KCNMA1: variants seen among roughly 807,000 people sequenced by gnomAD.
The protein encoded by KCNMA1 is potassium calcium-activated channel subfamily M alpha 1, also known as Calcium-activated potassium channel subunit alpha-1.
In KCNMA1, 29 loss-of-function variants were observed where a neutral mutation model predicts 140.0. The ratio of observed to expected loss-of-function variants is 0.21; its 90% CI spans 0.15 to 0.28. The LOEUF is 0.28. KCNMA1 is among the 10% of genes least tolerant of loss of function. The pLI is 1.00. For synonymous variants in KCNMA1, 612 were observed against 611.9 expected (o/e 1.00, Z 0.00); for missense variants, 880 against 1,602.2 (o/e 0.55, Z 7.70).
intron 25 of KCNMA1, among the ~76,000 whole-genome samples, chr10:76,905,918 A>C (rs1282899750): frequency 6.6e-6 from 1 of 152,260 alleles, no homozygotes; most frequent in Non-Finnish European, 1.5e-5. Flanking sequence ...GTATTGATTA[A>C]AAACACTAGC....
chr10:76,876,436 G>C (rs1040158174), downstream of KCNMA1: 1 of 152,610 alleles, frequency 6.6e-6, no homozygotes, highest in African/African-American at 2.4e-5. Context: ...GCATGCAAGC[G>C]ATAGCAGAGC....
intron 2 of KCNMA1, among the ~76,000 whole-genome samples, chr10:77,317,686 G>A (rs7087190): frequency 0.17 from 25,140 of 152,242 alleles, 3,115 homozygotes; most frequent in African/African-American, 0.35. Flanking sequence ...GCTAACAGCC[G>A]ATGGCAGGGA....
intron 3 of KCNMA1, among the ~76,000 whole-genome samples, chr10:77,211,742 T>G (rs192207872): frequency 1.1e-3 from 169 of 152,106 alleles, no homozygotes; most frequent in African/African-American, 3.9e-3. Flanking sequence ...TATAAGGAAC[T>G]TAAAAAAATT....
In KCNMA1 at chr10:77,079,464, G is replaced by A. The variant is rs917229513; in HGVS notation, c.1593+17C>T. On this transcript the variant is annotated intron_variant, in intron 13 of 27. Coordinates refer to ENST00000286628, the MANE Select transcript of KCNMA1 (RefSeq NM_001161352.2). ...TGGATGGGTCTTCAGACCTGGAGCG[G>A]GCTCTCGCACTCCTACCTTGTTGTG... 5 of 1,577,150 alleles carry A rather than the reference G, an allele frequency of 3.2e-6. No homozygotes were observed. In the African/African-American group the frequency reaches 4.1e-5, roughly 13 times the overall value.
intron 21 of KCNMA1, among the ~76,000 whole-genome samples, chr10:76,950,219 T>C (rs76973166): frequency 0.02 from 3,041 of 152,286 alleles, 93 homozygotes; most frequent in African/African-American, 0.068. Flanking sequence ...AGAAAAAGTT[T>C]GCTGACCCCT....
At chr10:77,112,747 A>C (rs1313616605) in intron 6 of KCNMA1, among the ~76,000 whole-genome samples, 2 of 152,148 alleles carry the variant, frequency 1.3e-5, no homozygotes, top group Non-Finnish European at 2.9e-5. Flanking sequence ...TAGACTGACC[A>C]ATTATTAACA....
At chr10:77,088,477 T>G (rs1285209067) in intron 10 of KCNMA1, among the ~76,000 whole-genome samples, 5 of 152,074 alleles carry the variant, frequency 3.3e-5, no homozygotes, top group Non-Finnish European at 7.4e-5. Flanking sequence ...AGACAGGGAC[T>G]GGAGTGCAGT....
At chr10:77,076,412 A>T (rs1017691959) in intron 13 of KCNMA1, among the ~76,000 whole-genome samples, 1 of 152,256 alleles carries the variant, frequency 6.6e-6, no homozygotes, top group Non-Finnish European at 1.5e-5. Flanking sequence ...GATGGCCAGC[A>T]TGAAAGCGTT....
intron 23 of KCNMA1, among the ~76,000 whole-genome samples, chr10:76,923,323 G>A (rs187892743): frequency 2.4e-4 from 36 of 152,104 alleles, no homozygotes; most frequent in African/African-American, 8.0e-4. Context: ...CAGCTATTCG[G>A]GAGGCTGAGG....
intron 3 of KCNMA1, among the ~76,000 whole-genome samples, chr10:77,228,006 C>T (rs1355949607): frequency 6.7e-6 from 1 of 149,556 alleles, no homozygotes; most frequent in Non-Finnish European, 1.5e-5. Context: ...TTCTTGTCGC[C>T]CAGACTGGAG....
At chr10:77,068,694 G>C (rs1046450340) in intron 14 of KCNMA1, among the ~76,000 whole-genome samples, 1 of 123,086 alleles carries the variant, frequency 8.1e-6, no homozygotes, top group Non-Finnish European at 1.7e-5. Flanking sequence ...CTGTGTTCCA[G>C]GTTTTGTGTG....
rs757636988 is a variant in KCNMA1 at position 77,637,606 on chromosome 10, C to CGCT, written c.34_36dup (p.Ser12dup). On this transcript the variant is annotated inframe_insertion, in exon 1 of 28. Transcript: ENST00000286628. ...CTGCCTCCGCCGCCGCCGCCGCCGC[C>CGCT]GCTGCTGCCGCCGCCGCCGCCGCCA... 3.5e-5 allele frequency: 53 copies of CGCT among 1,506,146 alleles called. No homozygotes were observed. In the African/African-American group the frequency reaches 4.4e-4, roughly 12 times the overall value. 93.3% of individuals were successfully genotyped at this position (1,506,146 alleles called of 1,614,324 possible). A position where few individuals can be genotyped will look rare whatever the true frequency, so the allele number is the denominator to read the frequency against.
downstream of KCNMA1, chr10:76,873,013 C>G (rs2031668528): frequency 6.6e-6 from 1 of 151,976 alleles, no homozygotes; most frequent in Non-Finnish European, 1.5e-5. Flanking sequence ...TACAGGTGGT[C>G]TAAGTCAGAA....
chr10:77,238,182 C>T (rs2056198807), intron 3 of KCNMA1, among the ~76,000 whole-genome samples: 1 of 152,066 alleles, frequency 6.6e-6, no homozygotes, highest in Non-Finnish European at 1.5e-5. Context: ...TTGGATGAGC[C>T]CATAGAGATC....
At chr10:76,896,204 C>T (rs1001294766) in intron 25 of KCNMA1, among the ~76,000 whole-genome samples, 1 of 152,166 alleles carries the variant, frequency 6.6e-6, no homozygotes, top group African/African-American at 2.4e-5. Flanking sequence ...ATTTTAGAGG[C>T]TCCTCCTGGG....
At chr10:77,143,896 A>G (rs140795624) in intron 5 of KCNMA1, among the ~76,000 whole-genome samples, 13 of 152,342 alleles carry the variant, frequency 8.5e-5, no homozygotes, top group Non-Finnish European at 1.8e-4. Context: ...ATCCATTAGA[A>G]TGGCTAAAAT....
At chr10:77,238,386 A>G (rs1190111112) in intron 3 of KCNMA1, among the ~76,000 whole-genome samples, 1 of 152,154 alleles carries the variant, frequency 6.6e-6, no homozygotes, top group Non-Finnish European at 1.5e-5. Flanking sequence ...CTAAAGAGGA[A>G]TTTGTCCTCT....
chr10:77,403,442 CA>C (rs2096350352), intron 2 of KCNMA1, among the ~76,000 whole-genome samples: 1 of 152,124 alleles, frequency 6.6e-6, no homozygotes, highest in African/African-American at 2.4e-5. Context: ...TACCACAGGA[CA>C]AGAAGAACAT....
intron 20 of KCNMA1, among the ~76,000 whole-genome samples, chr10:76,962,760 T>A (rs2153075647): frequency 6.6e-6 from 1 of 152,278 alleles, no homozygotes; most frequent in South Asian, 2.1e-4. Flanking sequence ...ATTTCCAGAA[T>A]CCAGCAGAGG....
Sources: allele counts gnomAD v4.1 joint callset (sites outside exome capture counted in the v4.1 genomes callset), GRCh38; gene constraint gnomAD v4.1.1; transcripts MANE v1.5; gene names NCBI Gene and HGNC (gene_info 2026-07-23, HGNC 2026-07-21).